VPS13D: variants seen among roughly 807,000 people sequenced by gnomAD.
VPS13D encodes the protein vacuolar protein sorting 13 homolog D, also known as intermembrane lipid transfer protein VPS13D.
Under a neutral mutation model 461.9 loss-of-function variants are expected in VPS13D, and 187 were observed. The ratio of observed to expected loss-of-function variants is 0.40; its 90% confidence interval spans 0.36 to 0.46. The LOEUF is 0.46. Among genes scored for constraint, VPS13D ranks in the 20% least tolerant of loss-of-function variants. The pLI is 0.60. For missense variants in VPS13D, 4,711 were observed against 5,364.9 expected, an observed-to-expected ratio of 0.88 and a Z score of 3.81; for synonymous variants, 1,951 against 1,986.3, an observed-to-expected ratio of 0.98 and a Z score of 0.47.
At chr1:12,293,365 G>GGAGT (rs1243976204) in intron 23 of VPS13D, among the ~76,000 whole-genome samples, 159 bp from the exon 24 acceptor site, 1 of 152,122 alleles carries the variant, frequency 6.6e-6, no homozygotes, top group Non-Finnish European at 1.5e-5. Context: ...GCTTACAAAA[G>GGAGT]GAGTAATTAT....
At chr1:12,356,199 C>T (rs1470953284) in intron 48 of VPS13D, 109 bp downstream of exon 48, 1 of 1,407,798 alleles carries the variant, frequency 7.1e-7, no homozygotes, top group African/African-American at 1.4e-5. Flanking sequence ...CTTCAACAGT[C>T]TGAGCTGCTG....
chr1:12,467,525 A>G (rs1283496249), intron 67 of VPS13D, among the ~76,000 whole-genome samples: 1 of 152,154 alleles, frequency 6.6e-6, no homozygotes, highest in Admixed American at 6.5e-5. Context: ...TATAAGTTAA[A>G]ATTCCTCTCA....
chr1:12,450,129 A>G (rs1645243282), intron 65 of VPS13D, among the ~76,000 whole-genome samples: 1 of 152,174 alleles, frequency 6.6e-6, no homozygotes, highest in Admixed American at 6.5e-5. Flanking sequence ...CCAGCAAAAA[A>G]AAAGAGCAAT....
At chr1:12,489,563 G>C (rs1424073205) in intron 67 of VPS13D, among the ~76,000 whole-genome samples, 1 of 152,126 alleles carries the variant, frequency 6.6e-6, no homozygotes, top group Non-Finnish European at 1.5e-5. Context: ...AGAAAGCAAA[G>C]GGGAAAGGAA....
chr1:12,402,554 T>C (rs1644595041), intron 62 of VPS13D: 1 of 152,244 alleles, frequency 6.6e-6, no homozygotes, highest in African/African-American at 2.4e-5. Context: ...ATATTTTTGT[T>C]CTTTTTATCC....
intron 3 of VPS13D, among the ~76,000 whole-genome samples, chr1:12,243,922 C>T (rs959998224): frequency 1.3e-5 from 2 of 151,992 alleles, no homozygotes; most frequent in Non-Finnish European, 2.9e-5. Flanking sequence ...GTGCGGGACC[C>T]GGGGAAGAAA....
intron 55 of VPS13D, among the ~76,000 whole-genome samples, chr1:12,374,452 C>T (rs1644169417): frequency 6.6e-6 from 1 of 151,844 alleles, no homozygotes; most frequent in Non-Finnish European, 1.5e-5. Context: ...AGAATTTTAC[C>T]AAAGTGGGGC....
intron 32 of VPS13D, among the ~76,000 whole-genome samples, chr1:12,321,388 GTC>G (rs1043445914): frequency 1.3e-5 from 2 of 152,158 alleles, no homozygotes; most frequent in African/African-American, 4.8e-5. Context: ...TGTTGTAACT[GTC>G]TTCTTAAAAT....
Position 12,322,727 on chromosome 1 carries a change from C to T in VPS13D, c.7896C>T (p.His2632=). 6.2e-7 allele frequency: 1 copy of T among 1,614,170 alleles called. No homozygotes were observed. The change falls in exon 34 of 70, where the codon CAC becomes CAT. Residue 2632 remains histidine (H), a synonymous_variant. Coordinates refer to ENST00000620676, the MANE Select transcript of VPS13D (RefSeq NM_015378.4). ...VGEEIREGTR[H]TLDPVLELQL... ...AGGAAATCAGAGAAGGGACAAGACA[C>T]ACCTTAGATCCTGTCTTGGGTAGGT...
intron 66 of VPS13D, among the ~76,000 whole-genome samples, chr1:12,457,338 G>GT (rs1404698482): frequency 6.6e-6 from 1 of 152,136 alleles, no homozygotes; most frequent in Non-Finnish European, 1.5e-5. Flanking sequence ...TACTCAGCCT[G>GT]TAAGTCCCAA....
Position 12,263,523 on chromosome 1 carries a change from T to G in VPS13D, c.1594+1443T>G, listed in dbSNP as rs534837369. Reference sequence around the variant, plus strand: ...GAGGATTGACTTGACAGTATTTGCCTTCTTTTTGTGACTTTGAATTAAAGG... The same window carrying G: ...GAGGATTGACTTGACAGTATTTGCCGTCTTTTTGTGACTTTGAATTAAAGG... On this transcript the variant is annotated intron_variant, in intron 13 of 69. Coordinates refer to ENST00000620676, the MANE Select transcript of VPS13D (RefSeq NM_015378.4). 2.6e-5 allele frequency among the ~76,000 whole-genome samples: 4 copies of G among 152,352 alleles called. No individual in the cohort carries two copies. The East Asian group carries it at 7.7e-4, about 29-fold the overall frequency.
intron 58 of VPS13D, among the ~76,000 whole-genome samples, chr1:12,384,789 C>T (rs1452278618): frequency 3.3e-5 from 5 of 152,080 alleles, no homozygotes; most frequent in Non-Finnish European, 7.4e-5. Flanking sequence ...TAGCTAATTA[C>T]TTTTCATTTT....
chr1:12,245,580 TGG>T (rs977233938), intron 5 of VPS13D, among the ~76,000 whole-genome samples: 2 of 152,148 alleles, frequency 1.3e-5, no homozygotes, highest in African/African-American at 4.8e-5. Flanking sequence ...CTGCCAAAGC[TGG>T]GCTTCGTGGC....
chr1:12,345,888 C>T (rs182550881), intron 43 of VPS13D, among the ~76,000 whole-genome samples: 42 of 152,330 alleles, frequency 2.8e-4, no homozygotes, highest in African/African-American at 9.1e-4. Context: ...TCCTTTTACT[C>T]TGTGTCTCCA....
intron 41 of VPS13D, 35 bp downstream of exon 41, chr1:12,341,920 C>T (rs772662286): frequency 2.5e-5 from 40 of 1,604,040 alleles, no homozygotes; most frequent in Non-Finnish European, 3.1e-5. Context: ...CGAGTCATCT[C>T]TGCCACCAAA....
chr1:12,389,934 G>A (rs1435111732), intron 60 of VPS13D, among the ~76,000 whole-genome samples: 1 of 152,224 alleles, frequency 6.6e-6, no homozygotes, highest in African/African-American at 2.4e-5. Flanking sequence ...TTGTGGAGTA[G>A]TAGACTGATT....
chr1:12,315,630 C>T (rs1222572830), intron 30 of VPS13D, among the ~76,000 whole-genome samples: 1 of 152,144 alleles, frequency 6.6e-6, no homozygotes, highest in East Asian at 1.9e-4. Flanking sequence ...GTCAAGAAAT[C>T]AGAGCTCAAA....
At chr1:12,405,197 C>T (rs543954221) in intron 63 of VPS13D, among the ~76,000 whole-genome samples, 12 of 152,322 alleles carry the variant, frequency 7.9e-5, no homozygotes, top group Admixed American at 2.6e-4. Flanking sequence ...CCGCTCCAGC[C>T]GCTTGCTGTC....
intron 13 of VPS13D, among the ~76,000 whole-genome samples, chr1:12,264,697 A>C (rs1165328580): frequency 1.3e-5 from 2 of 152,240 alleles, no homozygotes; most frequent in African/African-American, 2.4e-5. Context: ...GAAGGAAAGA[A>C]GCCATCTCCA....
Sources: allele counts gnomAD v4.1 joint callset (sites outside exome capture counted in the v4.1 genomes callset), GRCh38; gene constraint gnomAD v4.1.1; transcripts MANE v1.5; gene names NCBI Gene and HGNC (gene_info 2026-07-23, HGNC 2026-07-21).